Variants in TDRD12 observed in about 807,000 individuals in gnomAD.
TDRD12 encodes the protein putative ATP-dependent RNA helicase TDRD12.
In TDRD12, 158 loss-of-function variants were observed where a neutral mutation model predicts 133.5. The ratio of observed to expected loss-of-function variants is 1.18; its 90% CI spans 1.04 to 1.35. The LOEUF is 1.35. Among genes scored for constraint, TDRD12 ranks in the 40% most tolerant of loss-of-function variants. The pLI, the probability that TDRD12 is intolerant of heterozygous loss-of-function variation, is 0.00. For synonymous variants in TDRD12, 460 were observed against 477.9 expected, an observed-to-expected ratio of 0.96 and a Z score of 0.49; for missense variants, 1,443 against 1,321.3, an observed-to-expected ratio of 1.09 and a Z score of -1.43.
chr19:32,819,579 C>T (rs1313777801), intron 27 of TDRD12, among the ~76,000 whole-genome samples: 1 of 152,160 alleles, frequency 6.6e-6, no homozygotes, highest in Non-Finnish European at 1.5e-5. Context: ...GCTCCCACAG[C>T]CCCCTTTCCC....
chr19:32,755,905 A>T, intron 6 of TDRD12, 87 bp from the exon 7 acceptor site: 1 of 986,846 alleles, frequency 1.0e-6, no homozygotes, highest in South Asian at 2.1e-5. Flanking sequence ...CTGAAGGTAG[A>T]ACTTTGGGGT....
rs35855895 is a variant in TDRD12, at chr19:32,795,335, G to GA, written c.1473+539dup. Among the ~76,000 whole-genome samples the GA allele has an allele frequency of 1.9e-3, 215 of 114,248 alleles. 2 individuals carry two copies. The highest frequency in any genetic ancestry group is 0.016 in the South Asian group (57 of 3,520). The allele number at this position is 114,248 out of a possible 152,430, so 75.0% of individuals were successfully genotyped here. A position where few individuals can be genotyped will look rare whatever the true frequency, so the allele number is the denominator to read the frequency against. ...ACAATAAGAGCAAAACTCCATCTCA[G>GA]AAAAAAAAAAAAAAAAAGAAAGAAA... On this transcript the variant is annotated intron_variant, in intron 14 of 27. Coordinates refer to ENST00000444215, the Ensembl canonical transcript of TDRD12.
chr19:32,790,928 G>C, intron 12 of TDRD12, 36 bp from the exon 13 acceptor site: 1 of 1,527,002 alleles, frequency 6.5e-7, no homozygotes, highest in Non-Finnish European at 8.7e-7. Flanking sequence ...ACGCCTCAGG[G>C]CAGACACTGG....
chr19:32,790,550 C>A (rs867877686), exon 12 of TDRD12: 15 of 1,551,872 alleles, frequency 9.7e-6, no homozygotes, highest in Non-Finnish European at 1.2e-5. Flanking sequence ...GTTTTTAAAT[C>A]CTGATCCTTT....
chr19:32,756,107 C>G (rs1436490866), exon 7 of TDRD12: 1 of 1,480,242 alleles, frequency 6.8e-7, no homozygotes, highest in East Asian at 2.7e-5. Context: ...TCAGCACCCT[C>G]CTTCAATAAA....
At chr19:32,785,656 A>T (rs1271426701) in intron 11 of TDRD12, among the ~76,000 whole-genome samples, 1 of 151,728 alleles carries the variant, frequency 6.6e-6, no homozygotes, top group Non-Finnish European at 1.5e-5. Context: ...CTTCTTGTTG[A>T]ATTGATAACC....
intron 5 of TDRD12, among the ~76,000 whole-genome samples, chr19:32,749,528 T>C (rs1298118351): frequency 6.6e-6 from 1 of 152,038 alleles, no homozygotes; most frequent in East Asian, 1.9e-4. Context: ...GGCCTGGGAC[T>C]GGAAATCTGG....
chr19:32,777,040 C>A, intron 10 of TDRD12, 109 bp from the exon 11 acceptor site: 1 of 714,642 alleles, frequency 1.4e-6, no homozygotes, highest in Non-Finnish European at 2.3e-6. Flanking sequence ...AGGTGCACAC[C>A]ACCATGCCCG....
At chr19:32,817,499 A>G (rs1020737701) in intron 26 of TDRD12, among the ~76,000 whole-genome samples, 10 of 151,798 alleles carry the variant, frequency 6.6e-5, no homozygotes, top group African/African-American at 2.2e-4. Context: ...TCACTTCTCC[A>G]TTCATCTTCC....
At chr19:32,796,798 C>T (rs1345424812) in intron 14 of TDRD12, among the ~76,000 whole-genome samples, 1 of 152,120 alleles carries the variant, frequency 6.6e-6, no homozygotes, top group African/African-American at 2.4e-5. Flanking sequence ...CATGGTCAGC[C>T]TGCTTTCAGG....
intron 11 of TDRD12, among the ~76,000 whole-genome samples, chr19:32,780,084 C>CTTTTTTTTTTTTTTTTTTT (rs11395360): frequency 7.8e-6 from 1 of 127,776 alleles, no homozygotes; most frequent in Admixed American, 8.5e-5. Flanking sequence ...TTTTTCTTTT[C>CTTTTTTTTTTTTTTTTTTT]TTTTTTTTTT....
At chr19:32,783,493 CTG>C (rs1970825307) in intron 11 of TDRD12, among the ~76,000 whole-genome samples, 1 of 152,158 alleles carries the variant, frequency 6.6e-6, no homozygotes, top group Admixed American at 6.5e-5. Context: ...TTCTCCAATT[CTG>C]TGAAAAAAGT....
intron 8 of TDRD12, among the ~76,000 whole-genome samples, chr19:32,760,521 A>AT (rs894056960): frequency 6.6e-6 from 1 of 152,204 alleles, no homozygotes; most frequent in African/African-American, 2.4e-5. Context: ...GTGAAAAATA[A>AT]TTTTTTTATT....
intron 11 of TDRD12, among the ~76,000 whole-genome samples, chr19:32,789,936 A>T (rs1418626803): frequency 6.6e-6 from 1 of 152,050 alleles, no homozygotes; most frequent in Admixed American, 6.6e-5. Context: ...TGGGAGGCGG[A>T]TGTTGCAGTC....
rs1416537362 is a variant in TDRD12 at position 32,794,621 on chromosome 19, T to C, written c.1288-7T>C. The C allele has an allele frequency of 2.8e-6, 2 of 701,860 alleles. No homozygotes were observed. The highest frequency in any genetic ancestry group is 3.5e-5 in the African/African-American group (2 of 57,160). 43.5% of individuals were successfully genotyped at this position (701,860 alleles called of 1,614,324 possible). ...TATTTTGGTTTCTGGTTGTTTCTGT[T>C]TTGTAGGCTCTTCAAAGAAATAAGT... is the stretch of plus-strand genomic sequence containing the variant. On this transcript the variant is annotated splice_region_variant and splice_polypyrimidine_tract_variant and intron_variant, in intron 13 of 27. Coordinates refer to ENST00000444215, the Ensembl canonical transcript of TDRD12.
At chr19:32,800,757 A>G in exon 18 of TDRD12, 1 of 1,534,728 alleles carries the variant, frequency 6.5e-7, no homozygotes, top group Non-Finnish European at 8.7e-7. Context: ...TAGCTGAAAC[A>G]GAAATAGTGT....
chr19:32,751,633 A>G (rs1969831039), intron 6 of TDRD12, among the ~76,000 whole-genome samples: 1 of 147,022 alleles, frequency 6.8e-6, no homozygotes, highest in Non-Finnish European at 1.5e-5. Flanking sequence ...AGGTTGGAGT[A>G]CAGCGGCACA....
At chr19:32,742,654 A>G in intron 3 of TDRD12, 127 bp from the exon 4 acceptor site, 1 of 1,074,068 alleles carries the variant, frequency 9.3e-7, no homozygotes, top group Non-Finnish European at 1.3e-6. Context: ...CCATATTAGA[A>G]ACAGAAAGAA....
chr19:32,749,994 G>A (rs756226423), intron 6 of TDRD12, 125 bp downstream of exon 6: 1 of 673,984 alleles, frequency 1.5e-6, no homozygotes, highest in Non-Finnish European at 2.4e-6. Context: ...ATCTCTTAAG[G>A]TCTATCTTAG....
Sources: gnomAD v4.1 joint callset for allele counts (sites outside exome capture counted in the v4.1 genomes callset) on GRCh38, gnomAD v4.1.1 for gene constraint, MANE v1.5 for transcripts, NCBI Gene and HGNC (gene_info 2026-07-23, HGNC 2026-07-21) for gene names.